Variants in CAMTA1 observed in about 807,000 individuals in gnomAD.
CAMTA1 encodes calmodulin-binding transcription activator 1.
In CAMTA1, 27 loss-of-function variants were observed where a neutral mutation model predicts 170.9. The ratio of observed to expected loss-of-function variants is 0.16; its 90% confidence interval spans 0.12 to 0.22. The LOEUF is 0.22. Among genes scored for constraint, CAMTA1 ranks in the 10% least tolerant of loss-of-function variants. The pLI is 1.00. For synonymous variants in CAMTA1, 833 were observed against 891.5 expected (o/e 0.93, Z 1.17); for missense variants, 1,619 against 2,217.2 (o/e 0.73, Z 5.42).
chr1:6,982,776 C>T (rs114029879), intron 3 of CAMTA1, among the ~76,000 whole-genome samples: 2,885 of 143,222 alleles, frequency 0.02, 36 homozygotes, highest in Middle Eastern at 0.042. Flanking sequence ...GCCCTCTGTG[C>T]GTAGTGGCTC....
intron 11 of CAMTA1, among the ~76,000 whole-genome samples, chr1:7,718,667 C>G (rs1199211960): frequency 6.6e-6 from 1 of 151,390 alleles, no homozygotes; most frequent in Admixed American, 6.6e-5. Context: ...AGGCGATTCT[C>G]CTGCCTCAGC....
chr1:6,916,033 C>G (rs1351622149), intron 3 of CAMTA1, among the ~76,000 whole-genome samples: 1 of 152,120 alleles, frequency 6.6e-6, no homozygotes, highest in Non-Finnish European at 1.5e-5. Flanking sequence ...CCTGGGCATG[C>G]CTGTGAGTGC....
chr1:6,980,595 T>TGG lies in CAMTA1; in HGVS notation c.235-110707_235-110706dup, dbSNP rs1045491790. ...TAGCTCCCATAATTCCCATGTGTCT[T>TGG]GGGAGGGACTTGGTAGGAGGTAATC... On this transcript the variant is annotated intron_variant, in intron 3 of 22. Coordinates refer to ENST00000303635, the MANE Select transcript of CAMTA1 (RefSeq NM_015215.4). Among the ~76,000 whole-genome samples, 5 of 152,190 alleles carry TGG rather than the reference T, an allele frequency of 3.3e-5. No individual in the cohort carries two copies. The East Asian group carries it at 7.7e-4, about 24-fold the overall frequency.
intron 6 of CAMTA1, among the ~76,000 whole-genome samples, chr1:7,595,820 C>A (rs1245940762): frequency 6.6e-6 from 1 of 152,234 alleles, no homozygotes; most frequent in Non-Finnish European, 1.5e-5. Context: ...TTTCATGGCC[C>A]TGGCGGAACC....
Position 6,972,340 on chromosome 1 carries a change from C to T in CAMTA1, c.235-118964C>T, listed in dbSNP as rs543896695. 3.0e-3 allele frequency among the ~76,000 whole-genome samples: 462 copies of T among 152,244 alleles called. 2 individuals are homozygous for T. Among genetic ancestry groups the T allele is most frequent in the African/African-American group, 0.01 (429 of 41,522 alleles). On this transcript the variant is annotated intron_variant, in intron 3 of 22. Transcript: ENST00000303635. ...CCTTTAATAAAGGCAGAAAAACCTC[C>T]GTTAAGACATTTACTCATGCCTTTG...
chr1:7,576,257 G>A lies in CAMTA1; in HGVS notation c.511-64143G>A, dbSNP rs142468541. On this transcript the variant is annotated intron_variant, in intron 6 of 22. Coordinates refer to ENST00000303635, the MANE Select transcript of CAMTA1 (RefSeq NM_015215.4). ...ACTCCTGACCTCAGGTGATCCATCC[G>A]CCTCGGCCACCCAAAGTGCTGGGAT... 3.9e-5 allele frequency among the ~76,000 whole-genome samples: 6 copies of A among 152,156 alleles called. No homozygotes were observed. The East Asian group carries it at 7.7e-4, about 20-fold the overall frequency.
In CAMTA1 at chr1:7,685,572, G is replaced by C. The variant is rs1326587347; in HGVS notation, c.2914+7839G>C. ...TTCTGCCCCTCCCTCCCACTCCCCTGCTTGCTCCTCAGTCTCCAAGCTTCT... is the reference window on the plus strand; with the variant it reads ...TTCTGCCCCTCCCTCCCACTCCCCTCCTTGCTCCTCAGTCTCCAAGCTTCT... On this transcript the variant is annotated intron_variant, in intron 11 of 22. Transcript: ENST00000303635. The surrounding 1 kb of genome is among the most constrained non-coding windows in gnomAD (Gnocchi z 5.7). 1.3e-5 allele frequency among the ~76,000 whole-genome samples: 2 copies of C among 152,116 alleles called. No homozygotes were observed. Among genetic ancestry groups the C allele is most frequent in the African/African-American group, 2.4e-5 (1 of 41,408 alleles).
intron 6 of CAMTA1, among the ~76,000 whole-genome samples, chr1:7,545,390 T>C (rs2094678122): frequency 6.6e-6 from 1 of 152,254 alleles, no homozygotes; most frequent in Admixed American, 6.5e-5. Flanking sequence ...TATCAACTAA[T>C]CCTGTCTTCA....
Position 7,742,423 on chromosome 1 carries a change from A to T in CAMTA1, c.4183-2412A>T, listed in dbSNP as rs150385985. On this transcript the variant is annotated intron_variant, in intron 16 of 22. Transcript: ENST00000303635. ...TATATATAACTATATGTGTGTATGT[A>T]GTTAATACACATAGCAACTACGTAT... is the stretch of plus-strand genomic sequence containing the variant. 1.2e-4 allele frequency among the ~76,000 whole-genome samples: 18 copies of T among 152,324 alleles called. No individual in the cohort carries two copies. The East Asian group carries it at 2.3e-3, about 20-fold the overall frequency.
chr1:6,969,625 G>A (rs1207117377), intron 3 of CAMTA1, among the ~76,000 whole-genome samples: 21 of 152,116 alleles, frequency 1.4e-4, no homozygotes, highest in Non-Finnish European at 7.3e-5. Flanking sequence ...TCTGTGAGAT[G>A]GGCACCTACC....
intron 7 of CAMTA1, among the ~76,000 whole-genome samples, chr1:7,655,030 A>C: frequency 6.8e-6 from 1 of 147,444 alleles, no homozygotes; most frequent in African/African-American, 2.5e-5. Flanking sequence ...ATATACACAA[A>C]CACACCCACC....
rs1458726787 is a variant in CAMTA1, at chr1:7,299,542, C to A, written c.438+49916C>A. ...CAGACTCGGAGAGCTTCCAACCTCGCAATGAGCCAGCGGCTCCCCGGAGTC... is the reference window on the plus strand; with the variant it reads ...CAGACTCGGAGAGCTTCCAACCTCGAAATGAGCCAGCGGCTCCCCGGAGTC... On this transcript the variant is annotated intron_variant, in intron 5 of 22. Coordinates refer to ENST00000303635, the MANE Select transcript of CAMTA1 (RefSeq NM_015215.4). The surrounding 1 kb of genome is among the most constrained non-coding windows in gnomAD (Gnocchi z 4.7). Among the ~76,000 whole-genome samples, 2 of 152,238 alleles carry A rather than the reference C, an allele frequency of 1.3e-5. No homozygotes were observed. Among genetic ancestry groups the A allele is most frequent in the African/African-American group, 2.4e-5 (1 of 41,462 alleles).
At chr1:7,711,964 A>G (rs1370491009) in intron 11 of CAMTA1, among the ~76,000 whole-genome samples, 1 of 152,190 alleles carries the variant, frequency 6.6e-6, no homozygotes, top group Non-Finnish European at 1.5e-5. Context: ...GATACTCTGC[A>G]TTTGCAGGAG....
At chr1:7,654,529 AACAC>A (rs1336464026) in intron 7 of CAMTA1, among the ~76,000 whole-genome samples, 2 of 146,382 alleles carry the variant, frequency 1.4e-5, no homozygotes, top group African/African-American at 5.1e-5. Flanking sequence ...TATACACACA[AACAC>A]ACCCATCTAT....
At chr1:7,242,714 G>A (rs1009791073) in intron 4 of CAMTA1, among the ~76,000 whole-genome samples, 1 of 151,930 alleles carries the variant, frequency 6.6e-6, no homozygotes, top group African/African-American at 2.4e-5. Flanking sequence ...AGATCACAAG[G>A]TCAGGAGATC....
chr1:7,185,241 G>A (rs1354543371), intron 4 of CAMTA1, among the ~76,000 whole-genome samples: 1 of 152,110 alleles, frequency 6.6e-6, no homozygotes. Flanking sequence ...TAGCCTAGAG[G>A]CAATGATGTC....
intron 6 of CAMTA1, among the ~76,000 whole-genome samples, chr1:7,586,366 T>G (rs757603309): frequency 2.0e-5 from 3 of 152,186 alleles, no homozygotes; most frequent in Non-Finnish European, 2.9e-5. Context: ...GCGCCTTATC[T>G]GCGCTCCCCA....
At position 7,738,995 on chromosome 1, in the gene CAMTA1, T is replaced by C. The variant is rs971290169; in HGVS notation, c.4182+513T>C. Among the ~76,000 whole-genome samples the C allele has an allele frequency of 6.6e-6, 1 of 152,188 alleles. No homozygotes were observed. Among genetic ancestry groups the C allele is most frequent in the African/African-American group, 2.4e-5 (1 of 41,454 alleles). ...AAATATTCCTGAAGCTGATAATTGA[T>C]TGCCCTTATAATAAATCTAAAAATT... is the stretch of plus-strand genomic sequence containing the variant. On this transcript the variant is annotated intron_variant, in intron 16 of 22. Transcript: ENST00000303635. The surrounding 1 kb of genome is among the most constrained non-coding windows in gnomAD (Gnocchi z 4.9).
At chr1:7,305,150 A>G (rs1257653770) in intron 5 of CAMTA1, among the ~76,000 whole-genome samples, 1 of 151,996 alleles carries the variant, frequency 6.6e-6, no homozygotes, top group African/African-American at 2.4e-5. Context: ...CTTCTCTGTT[A>G]TATACTAAAT....
Sources: allele counts gnomAD v4.1 joint callset (sites outside exome capture counted in the v4.1 genomes callset), GRCh38; gene constraint gnomAD v4.1.1; non-coding constraint Gnocchi (gnomAD v3.1); transcripts MANE v1.5; gene names NCBI Gene and HGNC (gene_info 2026-07-23, HGNC 2026-07-21).